The following RAB27B variants were observed in gnomAD, a reference collection of about 807,000 sequenced individuals.
RAB27B encodes the protein RAB27B, member RAS oncogene family.
In RAB27B, 15 loss-of-function variants were observed where a neutral mutation model predicts 24.6. The observed-to-expected ratio is 0.61, with a 90% CI of 0.41 to 0.94. The LOEUF (loss-of-function observed/expected upper bound fraction) is 0.94. Among genes scored for constraint, RAB27B ranks in the 40% least tolerant of loss-of-function variants. RAB27B has a pLI of 0.00. For missense variants in RAB27B, 261 were observed against 266.8 expected, an observed-to-expected ratio of 0.98 and a Z score of 0.15; for synonymous variants, 105 against 92.5, an observed-to-expected ratio of 1.14 and a Z score of -0.78.
chr18:54,764,382 T>C (rs1908292997), intron 2 of RAB27B, among the ~76,000 whole-genome samples: 1 of 152,208 alleles, frequency 6.6e-6, no homozygotes, highest in Admixed American at 6.5e-5. Flanking sequence ...ATTGTAAATA[T>C]TGTAGGAATT....
chr18:54,862,486 A>C (rs974340807), intron 1 of RAB27B, among the ~76,000 whole-genome samples: 7 of 152,148 alleles, frequency 4.6e-5, no homozygotes, highest in Non-Finnish European at 7.4e-5. Context: ...CTACACTGGA[A>C]TTGGGTGCTG....
intron 1 of RAB27B, among the ~76,000 whole-genome samples, chr18:54,844,187 A>T (rs1598952168): frequency 1.3e-5 from 2 of 152,200 alleles, no homozygotes; most frequent in Admixed American, 1.3e-4. Flanking sequence ...GAATTAGCCA[A>T]TCACCCTGAC....
Position 54,766,055 on chromosome 18 carries a change from A to G in RAB27B, c.-20+47914A>G, listed in dbSNP as rs1172081509. Among the ~76,000 whole-genome samples the G allele has an allele frequency of 3.3e-5, 5 of 152,194 alleles. No individual in the cohort carries two copies. In the East Asian group the frequency reaches 5.8e-4, roughly 18 times the overall value. On this transcript the variant is annotated intron_variant, in intron 2 of 4. Coordinates refer to the RAB27B transcript ENST00000586570. ...AACACCAACTTTTTGGCGAAGACAC[A>G]TTTTTAGAATGAATGGTCAACAATC... is the stretch of plus-strand genomic sequence containing the variant.
At chr18:54,815,022 T>G (rs548166278) in intron 2 of RAB27B, among the ~76,000 whole-genome samples, 2 of 152,318 alleles carry the variant, frequency 1.3e-5, no homozygotes, top group South Asian at 4.1e-4. Flanking sequence ...AGGCATTTTT[T>G]TCCCTAATTG....
At chr18:54,793,238 C>CA (rs1390162172) in intron 2 of RAB27B, among the ~76,000 whole-genome samples, 1 of 151,940 alleles carries the variant, frequency 6.6e-6, no homozygotes, top group Non-Finnish European at 1.5e-5. Flanking sequence ...GGCCTTTGAA[C>CA]AAAAATGTCT....
intron 2 of RAB27B, among the ~76,000 whole-genome samples, chr18:54,733,364 T>C (rs1909785811): frequency 6.6e-6 from 1 of 152,168 alleles, no homozygotes; most frequent in South Asian, 2.1e-4. Flanking sequence ...GAAGTCTTCT[T>C]AGAGTCCAGG....
At chr18:54,804,350 C>T (rs1461744944) in intron 2 of RAB27B, among the ~76,000 whole-genome samples, 1 of 152,112 alleles carries the variant, frequency 6.6e-6, no homozygotes, top group Non-Finnish European at 1.5e-5. Context: ...ACCAATCTTT[C>T]CCATGCTATT....
chr18:54,885,042 T>A (rs1913075854), intron 4 of RAB27B, among the ~76,000 whole-genome samples: 1 of 152,192 alleles, frequency 6.6e-6, no homozygotes. Flanking sequence ...TTCGATATAG[T>A]ACAAATTGAA....
At chr18:54,790,553 G>A (rs1439503465) in intron 2 of RAB27B, among the ~76,000 whole-genome samples, 2 of 152,038 alleles carry the variant, frequency 1.3e-5, no homozygotes, top group African/African-American at 4.8e-5. Context: ...TTAGTAAACA[G>A]ATTACTTTCA....
intron 2 of RAB27B, among the ~76,000 whole-genome samples, chr18:54,736,551 G>A (rs1909900064): frequency 6.6e-6 from 1 of 152,132 alleles, no homozygotes; most frequent in Non-Finnish European, 1.5e-5. Context: ...TCTGGAGGGT[G>A]CAGACTGATA....
At chr18:54,886,462 T>C (rs1913141022) in intron 4 of RAB27B, among the ~76,000 whole-genome samples, 1 of 152,158 alleles carries the variant, frequency 6.6e-6, no homozygotes, top group Admixed American at 6.6e-5. Context: ...TTCATGATTA[T>C]ATATAATAAT....
chr18:54,790,519 A>C (rs1909215651), intron 2 of RAB27B, among the ~76,000 whole-genome samples: 1 of 152,200 alleles, frequency 6.6e-6, no homozygotes, highest in African/African-American at 2.4e-5. Context: ...TGCACATTAA[A>C]GTTTAGAGAA....
intron 1 of RAB27B, among the ~76,000 whole-genome samples, chr18:54,864,712 A>G (rs908228962): frequency 4.6e-5 from 7 of 152,158 alleles, no homozygotes; most frequent in Admixed American, 2.0e-4. Context: ...TTGACCATAA[A>G]TGTAAGAGTT....
chr18:54,725,612 A>G (rs1194331828), intron 2 of RAB27B, among the ~76,000 whole-genome samples: 1 of 151,460 alleles, frequency 6.6e-6, no homozygotes, highest in Non-Finnish European at 1.5e-5. Flanking sequence ...GCCTCAGGAA[A>G]CTTGCAGTCA....
At chr18:54,789,235 T>C (rs1173696976) in intron 2 of RAB27B, among the ~76,000 whole-genome samples, 1 of 152,196 alleles carries the variant, frequency 6.6e-6, no homozygotes, top group Non-Finnish European at 1.5e-5. Flanking sequence ...AAAGGACATG[T>C]CAACATTGAA....
At chr18:54,772,983 A>G (rs140127721) in intron 2 of RAB27B, among the ~76,000 whole-genome samples, 1 of 152,030 alleles carries the variant, frequency 6.6e-6, no homozygotes, top group Non-Finnish European at 1.5e-5. Flanking sequence ...CTGTGTTTAC[A>G]TGCACTTTCA....
In RAB27B at chr18:54,801,933, A is replaced by G. The variant is rs80329580; in HGVS notation, c.-19-75634A>G. On this transcript the variant is annotated intron_variant, in intron 2 of 4. Coordinates refer to the RAB27B transcript ENST00000586570. ...AGGAGGGCTACAGAGAATTGAGGACAAGCTCTAATTTGGGTCCTGTGAGAA... is the reference window on the plus strand; with the variant it reads ...AGGAGGGCTACAGAGAATTGAGGACGAGCTCTAATTTGGGTCCTGTGAGAA... Among the ~76,000 whole-genome samples, 1,230 of 152,314 alleles carry G rather than the reference A, an allele frequency of 8.1e-3. 12 individuals carry two copies. Among genetic ancestry groups the G allele is most frequent in the South Asian group, 0.02 (96 of 4,816 alleles).
Position 54,879,339 on chromosome 18 carries a change from A to T in RAB27B, c.154-30A>T, listed in dbSNP as rs1445023567. ...TTGAGTGCTGACAAAATCCAAAGCA[A>T]CCTCAACTAATGAACGTTGTATCTT... On this transcript the variant is annotated intron_variant, in intron 2 of 5. Transcript: ENST00000262094. The T allele has an allele frequency of 8.3e-6, 13 of 1,557,496 alleles. No individual in the cohort carries two copies. The South Asian group carries it at 1.4e-4, about 17-fold the overall frequency.
chr18:54,879,203 G>C (rs1912822882), intron 2 of RAB27B, among the ~76,000 whole-genome samples, 166 bp from the exon 3 acceptor site: 1 of 152,124 alleles, frequency 6.6e-6, no homozygotes, highest in African/African-American at 2.4e-5. Context: ...ACATTTAAAA[G>C]TGAGAGTACA....
Sources: gnomAD v4.1 joint callset for allele counts (sites outside exome capture counted in the v4.1 genomes callset) on GRCh38, gnomAD v4.1.1 for gene constraint, MANE v1.5 for transcripts, NCBI Gene and HGNC (gene_info 2026-07-23, HGNC 2026-07-21) for gene names.